The following WDFY4 variants were observed in gnomAD, a reference collection of about 807,000 sequenced individuals.
The protein encoded by WDFY4 is WD repeat- and FYVE domain-containing protein 4.
Under a neutral mutation model 351.9 loss-of-function variants are expected in WDFY4, and 169 were observed. That is an observed-to-expected ratio of 0.48 (90% confidence interval 0.42 to 0.55). The LOEUF (loss-of-function observed/expected upper bound fraction) is 0.55. Ranked by LOEUF, WDFY4 falls within the 20% of genes least tolerant of loss-of-function variation. The pLI, the probability that WDFY4 is intolerant of heterozygous loss-of-function variation, is 0.00. For missense variants in WDFY4, 3,803 were observed against 3,935.6 expected (o/e 0.97, Z 0.90); for synonymous variants, 1,622 against 1,574.6 (o/e 1.03, Z -0.71).
Position 48,969,237 on chromosome 10 carries a change from G to C in WDFY4, c.8758G>C (p.Gly2920Arg). ...CTTCAGCTGCTGCTTGGGGAGCTAC[G>C]GCTCCGACAAGGTGAGGGGGCTGCA... Reference protein sequence around the residue: ...DDFSCCLGSYGSDKVLMTFEN... With the variant: ...DDFSCCLGSYRSDKVLMTFEN... The change falls in exon 56 of 62, where the codon GGC becomes CGC. Residue 2920 changes from glycine (G) to arginine (R), a missense_variant. Coordinates refer to ENST00000325239, the MANE Select transcript of WDFY4 (RefSeq NM_001394531.1). 2 of 1,551,354 alleles carry C rather than the reference G, an allele frequency of 1.3e-6. No homozygotes were observed. Among genetic ancestry groups the C allele is most frequent in the Non-Finnish European group, 1.7e-6 (2 of 1,146,916 alleles).
intron 43 of WDFY4, among the ~76,000 whole-genome samples, chr10:48,885,908 T>C (rs1373374724): frequency 6.6e-6 from 1 of 152,166 alleles, no homozygotes; most frequent in Non-Finnish European, 1.5e-5. Context: ...GCCTTTTGCC[T>C]CTTTGATACT....
At chr10:48,749,092 T>G (rs1177061773) in intron 12 of WDFY4, among the ~76,000 whole-genome samples, 1 of 152,222 alleles carries the variant, frequency 6.6e-6, no homozygotes, top group African/African-American at 2.4e-5. Flanking sequence ...AGCTGCTTCC[T>G]AAGCATGTGT....
At chr10:48,765,465 T>C (rs900682701) in intron 13 of WDFY4, among the ~76,000 whole-genome samples, 38 of 152,332 alleles carry the variant, frequency 2.5e-4, no homozygotes, top group African/African-American at 9.1e-4. Flanking sequence ...GAGCTTAGCA[T>C]GGTGAGCAGA....
chr10:48,955,828 G>C (rs1466785876), intron 51 of WDFY4, among the ~76,000 whole-genome samples: 2 of 152,224 alleles, frequency 1.3e-5, no homozygotes, highest in Non-Finnish European at 2.9e-5. Context: ...CCTCTGAGCA[G>C]GGAAGGGAGT....
chr10:48,902,777 G>A (rs1456437678), intron 47 of WDFY4, among the ~76,000 whole-genome samples: 4 of 151,984 alleles, frequency 2.6e-5, no homozygotes, highest in Non-Finnish European at 5.9e-5. Context: ...AATCTTAGAT[G>A]AGGTGGCAAG....
chr10:48,931,071 A>G (rs1403369269), intron 47 of WDFY4, among the ~76,000 whole-genome samples: 6 of 141,426 alleles, frequency 4.2e-5, no homozygotes, highest in African/African-American at 1.3e-4. Context: ...AGGTACAAAC[A>G]CACATGCATG....
Position 48,949,595 on chromosome 10 carries a change from A to G in WDFY4, c.7977+2626A>G, listed in dbSNP as rs188230499. ...GAGCCTCCCATAGTCTCAGCAGCCC[A>G]AGGCACTACTCCCAACCTGGGGTAG... On this transcript the variant is annotated intron_variant, in intron 51 of 61. Transcript: ENST00000325239. Among the ~76,000 whole-genome samples the G allele has an allele frequency of 1.4e-4, 22 of 152,280 alleles. No individual in the cohort carries two copies. In the East Asian group the frequency reaches 2.9e-3, roughly 20 times the overall value.
intron 23 of WDFY4, among the ~76,000 whole-genome samples, chr10:48,795,023 T>C (rs1474577326): frequency 1.3e-5 from 2 of 151,962 alleles, no homozygotes; most frequent in Non-Finnish European, 2.9e-5. Context: ...TAGAATATAT[T>C]TGTACATAGG....
intron 47 of WDFY4, among the ~76,000 whole-genome samples, chr10:48,928,061 G>A (rs1839723384): frequency 6.6e-6 from 1 of 152,188 alleles, no homozygotes; most frequent in Admixed American, 6.5e-5. Flanking sequence ...TCCACCCAAT[G>A]TGTTTTAAGC....
chr10:48,797,785 A>G (rs1017803661), intron 24 of WDFY4, among the ~76,000 whole-genome samples: 4 of 152,230 alleles, frequency 2.6e-5, no homozygotes, highest in Non-Finnish European at 4.4e-5. Flanking sequence ...AGAATAAATT[A>G]TCAAAATTAA....
intron 41 of WDFY4, among the ~76,000 whole-genome samples, chr10:48,874,064 G>A (rs555638977): frequency 3.3e-5 from 5 of 152,286 alleles, no homozygotes; most frequent in South Asian, 2.1e-4. Context: ...TTGTCTGCTC[G>A]CACAAGTTAC....
chr10:48,735,021 G>T (rs1316158185), intron 10 of WDFY4, among the ~76,000 whole-genome samples: 1 of 147,480 alleles, frequency 6.8e-6, no homozygotes, highest in African/African-American at 2.5e-5. Flanking sequence ...AAACTCCTGA[G>T]CTCAGGCGAT....
intron 39 of WDFY4, among the ~76,000 whole-genome samples, chr10:48,849,463 C>A (rs1589747084): frequency 6.6e-6 from 1 of 152,100 alleles, no homozygotes; most frequent in African/African-American, 2.4e-5. Flanking sequence ...AAGACTTACC[C>A]CCAAAATTAT....
At chr10:48,879,970 A>T (rs2070181228) in intron 43 of WDFY4, among the ~76,000 whole-genome samples, 1 of 152,168 alleles carries the variant, frequency 6.6e-6, no homozygotes, top group African/African-American at 2.4e-5. Context: ...CCAGGGTCAC[A>T]TCCCTGTTTT....
chr10:48,799,642 G>A (rs528517810), intron 24 of WDFY4, among the ~76,000 whole-genome samples: 4 of 152,154 alleles, frequency 2.6e-5, no homozygotes, highest in Middle Eastern at 3.4e-3. Context: ...GCATAGTTGC[G>A]GGCGCCTGTA....
chr10:48,740,607 G>A (rs140065338), intron 11 of WDFY4, among the ~76,000 whole-genome samples: 3 of 152,354 alleles, frequency 2.0e-5, no homozygotes, highest in African/African-American at 7.2e-5. Flanking sequence ...CTTTGAGGGT[G>A]TGTCTACAAA....
intron 32 of WDFY4, among the ~76,000 whole-genome samples, chr10:48,819,520 C>A (rs1488123436): frequency 6.6e-6 from 1 of 152,186 alleles, no homozygotes. Flanking sequence ...GAGAAGTTCA[C>A]GGGCTGGGAG....
At chr10:48,946,810 G>A (rs751039333) in intron 50 of WDFY4, 50 bp from the exon 51 acceptor site, 19 of 1,351,206 alleles carry the variant, frequency 1.4e-5, no homozygotes, top group South Asian at 1.0e-4. Flanking sequence ...TATCTGCCAC[G>A]TGTGAGTGCA....
intron 39 of WDFY4, among the ~76,000 whole-genome samples, chr10:48,865,535 C>T (rs1245334465): frequency 6.6e-6 from 1 of 152,172 alleles, no homozygotes; most frequent in Non-Finnish European, 1.5e-5. Flanking sequence ...TCTAGTAAAG[C>T]CTTTGTCTGT....
Sources: allele counts gnomAD v4.1 joint callset (sites outside exome capture counted in the v4.1 genomes callset), GRCh38; gene constraint gnomAD v4.1.1; transcripts MANE v1.5; gene names NCBI Gene and HGNC (gene_info 2026-07-23, HGNC 2026-07-21).